MALRD1: variants seen among roughly 807,000 people sequenced by gnomAD.
MALRD1 encodes the protein MAM and LDL-receptor class A domain-containing protein 1.
Under a neutral mutation model 242.1 loss-of-function variants are expected in MALRD1, and 247 were observed. The observed-to-expected ratio is 1.02, with a 90% CI of 0.92 to 1.13. MALRD1 has a LOEUF of 1.13. Ranked by LOEUF, MALRD1 falls within the 50% of genes most tolerant of loss-of-function variation. MALRD1 has a pLI of 0.00. For missense variants in MALRD1, 2,989 were observed against 2,533.1 expected (o/e 1.18, Z -3.86); for synonymous variants, 995 against 866.6 (o/e 1.15, Z -2.60).
intron 29 of MALRD1, 36 bp downstream of exon 29, chr10:19,450,526 A>G (rs1835265390): frequency 1.3e-6 from 2 of 1,511,390 alleles, no homozygotes; most frequent in Non-Finnish European, 8.9e-7. Context: ...TTGGAAGCAC[A>G]TTTTTAATCT....
intron 2 of MALRD1, among the ~76,000 whole-genome samples, chr10:19,081,092 G>A (rs751388561): frequency 1.1e-4 from 16 of 151,844 alleles, no homozygotes; most frequent in Admixed American, 6.6e-5. Context: ...TCAGAATAGC[G>A]ATTATTAAAA....
At chr10:19,094,611 C>T (rs532644439) in intron 4 of MALRD1, among the ~76,000 whole-genome samples, 1 of 152,238 alleles carries the variant, frequency 6.6e-6, no homozygotes, top group South Asian at 2.1e-4. Context: ...CATCTTGGCT[C>T]CTCCCCCAAC....
intron 21 of MALRD1, among the ~76,000 whole-genome samples, chr10:19,320,431 T>C (rs1449974956): frequency 6.6e-6 from 1 of 152,128 alleles, no homozygotes; most frequent in Non-Finnish European, 1.5e-5. Context: ...CAGTATTCCA[T>C]GGTGTATATG....
Position 19,272,179 on chromosome 10 carries a change from T to C in MALRD1, c.3080-7868T>C, listed in dbSNP as rs528191058. Among the ~76,000 whole-genome samples the C allele has an allele frequency of 6.4e-4, 98 of 152,146 alleles. 1 individual carries two copies. The South Asian group carries it at 0.019, about 30-fold the overall frequency. On this transcript the variant is annotated intron_variant, in intron 19 of 39. Transcript: ENST00000454679. ...CACAACTATCAAAATTTAAAAATTA[T>C]AGAAACATCTCGAATATTAGAGAAA...
intron 21 of MALRD1, among the ~76,000 whole-genome samples, chr10:19,293,930 C>T (rs1841569289): frequency 1.3e-5 from 2 of 152,162 alleles, no homozygotes; most frequent in East Asian, 1.9e-4. Flanking sequence ...GAAATGCAGT[C>T]GCTTGAGGTA....
Position 19,352,087 on chromosome 10 carries a change from G to A in MALRD1, c.4231G>A (p.Val1411Ile). The A allele has an allele frequency of 6.4e-7, 1 of 1,550,454 alleles. No homozygotes were observed. The highest frequency in any genetic ancestry group is 1.2e-5 in the South Asian group (1 of 84,058). Residue 1411 changes from valine to isoleucine, a missense_variant, in exon 26 of 40, where the codon GTT (valine) becomes ATT (isoleucine). Coordinates refer to ENST00000454679, the MANE Select transcript of MALRD1 (RefSeq NM_001142308.3). ...GGTGTCAGTCACAAACCAAACGAAG[G>A]TTCTACTTAACCTCACTGTAGAACA... ...MQVSVTNQTK[V>I]LLNLTVEQGN...
At chr10:19,701,339 T>C (rs1169449401) in intron 38 of MALRD1, among the ~76,000 whole-genome samples, 1 of 152,056 alleles carries the variant, frequency 6.6e-6, no homozygotes, top group Non-Finnish European at 1.5e-5. Flanking sequence ...AGTGACCTCA[T>C]AAGTGGATGC....
chr10:19,340,536 C>T (rs1456661548), intron 24 of MALRD1, among the ~76,000 whole-genome samples: 1 of 152,022 alleles, frequency 6.6e-6, no homozygotes, highest in Non-Finnish European at 1.5e-5. Flanking sequence ...TTATTCTCTG[C>T]CTGTGTCATG....
At chr10:19,670,814 T>C (rs1421230431) in intron 36 of MALRD1, among the ~76,000 whole-genome samples, 2 of 152,234 alleles carry the variant, frequency 1.3e-5, no homozygotes, top group East Asian at 3.9e-4. Flanking sequence ...TCTTAATACA[T>C]AGCACCTAGC....
intron 38 of MALRD1, among the ~76,000 whole-genome samples, chr10:19,699,167 C>A (rs1324186089): frequency 2.0e-5 from 3 of 151,618 alleles, no homozygotes; most frequent in African/African-American, 7.3e-5. Context: ...GTGTAAAAAA[C>A]CTGCACGTTC....
chr10:19,709,243 T>TAAAAAAAAAAAAAAAAAAAAAAA (rs557818453), intron 38 of MALRD1, among the ~76,000 whole-genome samples: 2 of 105,948 alleles, frequency 1.9e-5, no homozygotes, highest in African/African-American at 7.3e-5. Flanking sequence ...CCGTCTGTAC[T>TAAAAAAAAAAAAAAAAAAAAAAA]AAAAAAAAAA....
At chr10:19,575,148 T>A (rs1012545811) in intron 33 of MALRD1, among the ~76,000 whole-genome samples, 2 of 152,204 alleles carry the variant, frequency 1.3e-5, no homozygotes, top group African/African-American at 2.4e-5. Flanking sequence ...GTTTCACTTA[T>A]TTATGGATTT....
chr10:19,074,267 T>A (rs778802529), intron 2 of MALRD1, among the ~76,000 whole-genome samples: 1 of 152,124 alleles, frequency 6.6e-6, no homozygotes, highest in Non-Finnish European at 1.5e-5. Context: ...TTGATGGATG[T>A]TATGGCAGTG....
At chr10:19,438,749 TA>T (rs1203565294) in intron 28 of MALRD1, among the ~76,000 whole-genome samples, 1 of 152,204 alleles carries the variant, frequency 6.6e-6, no homozygotes, top group African/African-American at 2.4e-5. Flanking sequence ...TCATACAAGC[TA>T]TTGGGTTCTC....
chr10:19,341,143 T>C (rs1439241745), intron 24 of MALRD1, among the ~76,000 whole-genome samples: 2 of 152,082 alleles, frequency 1.3e-5, no homozygotes, highest in East Asian at 1.9e-4. Flanking sequence ...CTATATTTTT[T>C]ACAACTTTCT....
intron 21 of MALRD1, among the ~76,000 whole-genome samples, chr10:19,294,463 C>A (rs78905698): frequency 0.044 from 6,767 of 152,134 alleles, 261 homozygotes; most frequent in African/African-American, 0.11. Context: ...TTTTTATTGC[C>A]TAAAAGATTC....
chr10:19,385,046 T>G (rs1588999955), intron 26 of MALRD1, among the ~76,000 whole-genome samples: 1 of 152,150 alleles, frequency 6.6e-6, no homozygotes, highest in African/African-American at 2.4e-5. Flanking sequence ...CTTCATTCTG[T>G]TAATGTGGGG....
intron 39 of MALRD1, 25 bp downstream of exon 39, chr10:19,730,806 C>A: frequency 6.6e-7 from 1 of 1,525,272 alleles, no homozygotes; most frequent in Non-Finnish European, 8.8e-7. Flanking sequence ...TGAACTATAT[C>A]TTTTCACACA....
At chr10:19,471,431 G>A (rs1477081851) in intron 29 of MALRD1, among the ~76,000 whole-genome samples, 4 of 151,632 alleles carry the variant, frequency 2.6e-5, no homozygotes, top group South Asian at 2.1e-4. Context: ...TTTGTAATTC[G>A]ATATGAATTT....
Sources: gnomAD v4.1 joint callset for allele counts (sites outside exome capture counted in the v4.1 genomes callset) on GRCh38, gnomAD v4.1.1 for gene constraint, MANE v1.5 for transcripts, NCBI Gene and HGNC (gene_info 2026-07-23, HGNC 2026-07-21) for gene names.